Variants in PTPN13 observed in about 807,000 individuals in gnomAD.
The protein encoded by PTPN13 is protein tyrosine phosphatase non-receptor type 13, also known as tyrosine-protein phosphatase non-receptor type 13.
PTPN13 carries 191 observed loss-of-function variants against 284.0 expected under a neutral mutation model. That is an observed-to-expected ratio of 0.67 (90% CI 0.60 to 0.76). PTPN13 has a LOEUF of 0.76. Ranked by LOEUF, PTPN13 falls within the 30% of genes least tolerant of loss-of-function variation. The probability of loss-of-function intolerance (pLI) is 0.00; values close to 1 mark genes in which losing one functional copy is unlikely to be tolerated. For synonymous variants in PTPN13, 986 were observed against 1,022.3 expected (o/e 0.96, Z 0.68); for missense variants, 2,797 against 2,939.9 (o/e 0.95, Z 1.12).
rs1728587020 is a variant in PTPN13, at chr4:86,678,895, C to T, written c.294+6352C>T. On this transcript the variant is annotated intron_variant, in intron 3 of 47. Transcript: ENST00000411767. ...GCTGCAAACACTTCTAATAATCTCCCAACTCCAGTCTTGCCCATGGCTAGT... is the reference window on the plus strand; with the variant it reads ...GCTGCAAACACTTCTAATAATCTCCTAACTCCAGTCTTGCCCATGGCTAGT... 3.3e-5 allele frequency among the ~76,000 whole-genome samples: 5 copies of T among 152,306 alleles called. No individual in the cohort carries two copies. In the South Asian group the frequency reaches 1.0e-3, roughly 32 times the overall value.
At chr4:86,617,651 TG>T (rs1487417636) in intron 1 of PTPN13, among the ~76,000 whole-genome samples, 1 of 152,156 alleles carries the variant, frequency 6.6e-6, no homozygotes, top group East Asian at 1.9e-4. Flanking sequence ...TATCTCATTG[TG>T]GTTTTGATTT....
intron 40 of PTPN13, among the ~76,000 whole-genome samples, chr4:86,793,803 C>G (rs866797558): frequency 1.3e-5 from 2 of 152,092 alleles, no homozygotes; most frequent in Non-Finnish European, 2.9e-5. Flanking sequence ...CCTTTGAAAC[C>G]AATGAGAACA....
chr4:86,657,719 C>G (rs1726019345), intron 2 of PTPN13, among the ~76,000 whole-genome samples: 1 of 152,174 alleles, frequency 6.6e-6, no homozygotes, highest in Non-Finnish European at 1.5e-5. Context: ...GACTGAGTCT[C>G]TTCCATCAGG....
intron 3 of PTPN13, among the ~76,000 whole-genome samples, chr4:86,677,621 T>C (rs553413355): frequency 8.6e-5 from 13 of 151,512 alleles, no homozygotes; most frequent in East Asian, 3.9e-4. Context: ...CCGGTAAATT[T>C]AATCTTGTGT....
chr4:86,733,258 A>G (rs560050640), intron 12 of PTPN13, among the ~76,000 whole-genome samples: 1 of 152,196 alleles, frequency 6.6e-6, no homozygotes, highest in South Asian at 2.1e-4. Flanking sequence ...GATGTTCACA[A>G]CCACAGTGGT....
rs758616535 is a variant in PTPN13, at chr4:86,672,548, C to G, written c.294+5C>G. On this transcript the variant is annotated splice_donor_5th_base_variant and intron_variant, in intron 3 of 47. Coordinates refer to ENST00000411767, the MANE Select transcript of PTPN13 (RefSeq NM_080683.3). ...TCTCTCTCAGATGTTGAAAAGGTAA[C>G]TGTTAAATTTTTTTGTTTGTTTTTT... 1.9e-6 allele frequency: 3 copies of G among 1,589,184 alleles called. No homozygotes were observed. The highest frequency in any genetic ancestry group is 1.7e-6 in the Non-Finnish European group (2 of 1,166,836).
intron 6 of PTPN13, among the ~76,000 whole-genome samples, chr4:86,698,336 C>T (rs2148994701): frequency 6.6e-6 from 1 of 152,186 alleles, no homozygotes; most frequent in Middle Eastern, 3.4e-3. Flanking sequence ...ATGTACGAAG[C>T]AAAAGATCAG....
At chr4:86,694,401 T>G (rs2148980147) in intron 6 of PTPN13, among the ~76,000 whole-genome samples, 1 of 151,354 alleles carries the variant, frequency 6.6e-6, no homozygotes, top group East Asian at 1.9e-4. Flanking sequence ...GCCAACATAG[T>G]GAAATCCCAT....
Position 86,763,120 on chromosome 4 carries a change from C to T in PTPN13, c.3947C>T (p.Ser1316Leu). 6.2e-7 allele frequency: 1 copy of T among 1,613,612 alleles called. No individual in the cohort carries two copies. The highest frequency in any genetic ancestry group is 1.1e-5 in the South Asian group (1 of 91,056). The stretch of plus-strand genomic sequence containing the variant: ...GGCATTTCTGATGTAACTGATTACT[C>T]AGACCGTGGAGATTCAGACATGGAT... ...KPGISDVTDYSDRGDSDMDEA... is the reference protein window; with the variant it reads ...KPGISDVTDYLDRGDSDMDEA... The change falls in exon 24 of 48, where the codon TCA becomes TTA. Residue 1316 changes from serine (S) to leucine (L), a missense_variant. Physicochemically the swap from Ser to Leu is moderately radical, Grantham distance 145 (BLOSUM62 -2). Coordinates refer to ENST00000411767, the MANE Select transcript of PTPN13 (RefSeq NM_080683.3).
intron 15 of PTPN13, among the ~76,000 whole-genome samples, chr4:86,739,281 G>A (rs1735884503): frequency 6.6e-6 from 1 of 152,138 alleles, no homozygotes; most frequent in Non-Finnish European, 1.5e-5. Flanking sequence ...TTGATATAGT[G>A]TGTTAGTCCT....
intron 40 of PTPN13, among the ~76,000 whole-genome samples, chr4:86,787,540 C>A (rs534806639): frequency 6.7e-6 from 1 of 150,274 alleles, no homozygotes; most frequent in Non-Finnish European, 1.5e-5. Context: ...TGCGGTGAGC[C>A]GAAATCACGC....
chr4:86,678,706 A>T (rs1728563072), intron 3 of PTPN13, among the ~76,000 whole-genome samples: 1 of 152,174 alleles, frequency 6.6e-6, no homozygotes, highest in Admixed American at 6.5e-5. Context: ...TTCCAAGGAA[A>T]AATCTAAGGT....
chr4:86,678,735 T>C (rs1261051962), intron 3 of PTPN13, among the ~76,000 whole-genome samples: 1 of 152,208 alleles, frequency 6.6e-6, no homozygotes, highest in African/African-American at 2.4e-5. Context: ...TAATTTTTCA[T>C]TCACCTCTGG....
rs763013489 is a variant in PTPN13, at chr4:86,734,867, C to T, written c.2143C>T (p.Gln715Ter). 1 of 1,610,962 alleles carries T rather than the reference C, an allele frequency of 6.2e-7. No homozygotes were observed. The highest frequency in any genetic ancestry group is 8.5e-7 in the Non-Finnish European group (1 of 1,177,746). The change falls in exon 14 of 48, where the codon CAA (glutamine) becomes TAA (stop). Residue 715 changes from glutamine (Q) to a stop codon, truncating the protein, a stop_gained. Transcript: ENST00000411767. LOFTEE classifies it high-confidence loss of function. Reference protein sequence around the residue: ...LALQAEYGDYQPEVHGVSYFR... With the variant: ...LALQAEYGDY ...TCTCCAGGCTGAGTATGGAGATTAT[C>T]AACCAGAGGTAGGATTTGTGTTTTT... is the stretch of plus-strand genomic sequence containing the variant.
chr4:86,709,288 G>C (rs1398997767), intron 7 of PTPN13, among the ~76,000 whole-genome samples: 4 of 152,078 alleles, frequency 2.6e-5, no homozygotes, highest in African/African-American at 9.7e-5. Context: ...TTAGGATGAT[G>C]ATGGGCTGTT....
Position 86,701,374 on chromosome 4 carries a change from G to A in PTPN13, c.768G>A (p.Lys256=), listed in dbSNP as rs1731138364. ...ATACACAAGATGAGAATTATTTCAA[G>A]GACATTTTATCAGATAATTCTGGAC... is the stretch of plus-strand genomic sequence containing the variant. The part of the protein sequence containing the change: ...IKDTQDENYF[K]DILSDNSGRE... Residue 256 remains lysine, a synonymous_variant, in exon 7 of 48, where the codon AAG becomes AAA. Transcript: ENST00000411767. The A allele has an allele frequency of 6.2e-7, 1 of 1,613,124 alleles. No homozygotes were observed. Among genetic ancestry groups the A allele is most frequent in the African/African-American group, 1.3e-5 (1 of 75,032 alleles).
At chr4:86,793,662 C>T (rs973910117) in intron 40 of PTPN13, among the ~76,000 whole-genome samples, 1 of 152,192 alleles carries the variant, frequency 6.6e-6, no homozygotes, top group Non-Finnish European at 1.5e-5. Context: ...GTCTCTCAGA[C>T]CACAGTGCAA....
intron 33 of PTPN13, among the ~76,000 whole-genome samples, 171 bp downstream of exon 33, chr4:86,774,702 TA>T (rs200143984): frequency 0.023 from 2,540 of 111,384 alleles, 79 homozygotes; most frequent in African/African-American, 0.089. Context: ...GAAATTATTT[TA>T]TATATATATA....
intron 5 of PTPN13, chr4:86,689,757 A>C: frequency 1.4e-6 from 1 of 702,214 alleles, no homozygotes; most frequent in Non-Finnish European, 2.6e-6. Flanking sequence ...TTTGGATATG[A>C]AGAATCCCAA....
Sources: gnomAD v4.1 joint callset for allele counts (sites outside exome capture counted in the v4.1 genomes callset) on GRCh38, gnomAD v4.1.1 for gene constraint, MANE v1.5 for transcripts, NCBI Gene and HGNC (gene_info 2026-07-23, HGNC 2026-07-21) for gene names.